CAST: variants seen among roughly 807,000 people sequenced by gnomAD.
CAST encodes the protein calpastatin.
Under a neutral mutation model 119.6 loss-of-function variants are expected in CAST, and 76 were observed. The observed-to-expected ratio is 0.64, with a 90% CI of 0.53 to 0.77. The LOEUF is 0.77. Ranked by LOEUF, CAST falls within the 30% of genes least tolerant of loss-of-function variation. The probability of loss-of-function intolerance (pLI) is 0.00; values close to 1 mark genes in which losing one functional copy is unlikely to be tolerated. For missense variants in CAST, 953 were observed against 946.5 expected (o/e 1.01, Z -0.09); for synonymous variants, 319 against 331.6 (o/e 0.96, Z 0.41).
chr5:96,344,494 T>C, the CAST span, among the ~76,000 whole-genome samples: 265 of 152,320 alleles, frequency 1.7e-3, no homozygotes, highest in African/African-American at 6.2e-3. Context: ...AAGCAAGCAG[T>C]GGCTCATGTG....
chr5:96,619,017 A>T (rs1490690193), intron 1 of CAST, among the ~76,000 whole-genome samples: 2 of 152,166 alleles, frequency 1.3e-5, no homozygotes. Flanking sequence ...GGGTTCATGG[A>T]TGCATCAGTC....
At chr5:96,573,733 G>C (rs538869121) in intron 1 of CAST, among the ~76,000 whole-genome samples, 1 of 152,118 alleles carries the variant, frequency 6.6e-6, no homozygotes, top group Non-Finnish European at 1.5e-5. Context: ...ACAAGATAGA[G>C]AATATTTACA....
At chr5:96,229,781 T>G in the CAST span, among the ~76,000 whole-genome samples, 1 of 152,178 alleles carries the variant, frequency 6.6e-6, no homozygotes, top group Non-Finnish European at 1.5e-5. Context: ...ATAAGAAATG[T>G]GAAGAGGAAA....
At chr5:96,388,739 C>A in the CAST span, among the ~76,000 whole-genome samples, 1 of 152,116 alleles carries the variant, frequency 6.6e-6, no homozygotes, top group South Asian at 2.1e-4. Context: ...CCTTTGTACA[C>A]GTGCATGTAT....
At chr5:96,309,970 G>T in the CAST span, among the ~76,000 whole-genome samples, 1 of 152,346 alleles carries the variant, frequency 6.6e-6, no homozygotes, top group South Asian at 2.1e-4. Flanking sequence ...ACTGTTGAAT[G>T]TAAGTGGTGA....
At chr5:96,582,934 G>A (rs1746794145) in intron 1 of CAST, among the ~76,000 whole-genome samples, 1 of 152,106 alleles carries the variant, frequency 6.6e-6, no homozygotes, top group African/African-American at 2.4e-5. Context: ...TGTGATTCAT[G>A]ATTTCATGAT....
chr5:96,316,402 T>C, the CAST span, among the ~76,000 whole-genome samples: 1 of 152,154 alleles, frequency 6.6e-6, no homozygotes, highest in Admixed American at 6.5e-5. Context: ...CAGGAGATGT[T>C]CTGTAGCCCA....
the CAST span, among the ~76,000 whole-genome samples, chr5:96,194,361 C>T: frequency 1.3e-5 from 2 of 152,188 alleles, no homozygotes; most frequent in Non-Finnish European, 2.9e-5. Context: ...TGGGAATCTG[C>T]ATGTTCTTAA....
intron 2 of CAST, among the ~76,000 whole-genome samples, chr5:96,692,595 CCT>C (rs1392362154): frequency 1.3e-5 from 2 of 152,166 alleles, no homozygotes; most frequent in Non-Finnish European, 2.9e-5. Flanking sequence ...CACGTGCTGC[CCT>C]GTCTACCTAG....
At chr5:96,070,877 C>T in the CAST span, among the ~76,000 whole-genome samples, 1 of 152,154 alleles carries the variant, frequency 6.6e-6, no homozygotes, top group Non-Finnish European at 1.5e-5. Context: ...AGGAGGAATG[C>T]TCGCCCAAGG....
chr5:96,542,894 G>A lies in CAST; in HGVS notation c.60+13014G>A, dbSNP rs560648910. Among the ~76,000 whole-genome samples the A allele has an allele frequency of 2.6e-5, 4 of 152,314 alleles. No individual in the cohort carries two copies. The South Asian group carries it at 8.3e-4, about 32-fold the overall frequency. ...ATTAAAAAGTCAGGAAACAGATGCT[G>A]GAGAGGATGTGGAGAAATAGGAACA... On this transcript the variant is annotated intron_variant, in intron 1 of 11. Transcript: ENST00000505143.
At chr5:96,260,760 A>G in the CAST span, among the ~76,000 whole-genome samples, 1 of 152,148 alleles carries the variant, frequency 6.6e-6, no homozygotes, top group Non-Finnish European at 1.5e-5. Context: ...GGCAACTTCA[A>G]AGTCTGAGAT....
At chr5:96,224,231 G>A in the CAST span, among the ~76,000 whole-genome samples, 42 of 152,282 alleles carry the variant, frequency 2.8e-4, no homozygotes, top group African/African-American at 8.9e-4. Context: ...AAGTTATGTG[G>A]GGTGAAGAGT....
intron 3 of CAST, among the ~76,000 whole-genome samples, chr5:96,702,350 T>A (rs2150319025): frequency 6.6e-6 from 1 of 152,338 alleles, no homozygotes; most frequent in Admixed American, 6.5e-5. Flanking sequence ...CTATTCTAAT[T>A]TTGAAGTTTG....
intron 1 of CAST, among the ~76,000 whole-genome samples, chr5:96,622,899 T>A (rs1480287392): frequency 6.9e-5 from 9 of 130,532 alleles, no homozygotes; most frequent in South Asian, 2.8e-4. Context: ...AGTCTCGCTC[T>A]GTCGCCCAGG....
chr5:96,205,245 A>G, the CAST span, among the ~76,000 whole-genome samples: 1 of 151,926 alleles, frequency 6.6e-6, no homozygotes, highest in African/African-American at 2.4e-5. Context: ...AAACATTTTC[A>G]TTTTGATGAA....
the CAST span, among the ~76,000 whole-genome samples, chr5:95,984,961 C>G: frequency 7.1e-6 from 1 of 140,850 alleles, no homozygotes; most frequent in Non-Finnish European, 1.5e-5. Flanking sequence ...TTTGAATATA[C>G]TGAGATAAAG....
chr5:95,967,785 A>G, the CAST span, among the ~76,000 whole-genome samples: 2 of 152,178 alleles, frequency 1.3e-5, no homozygotes, highest in African/African-American at 4.8e-5. Context: ...TTTATAAATT[A>G]CCCAGTCTTG....
At chr5:95,968,853 A>G in the CAST span, among the ~76,000 whole-genome samples, 1 of 152,172 alleles carries the variant, frequency 6.6e-6, no homozygotes, top group Non-Finnish European at 1.5e-5. Context: ...TATTTACAGA[A>G]TTAGAAACAA....
Sources: allele counts gnomAD v4.1 joint callset (sites outside exome capture counted in the v4.1 genomes callset), GRCh38; gene constraint gnomAD v4.1.1; transcripts MANE v1.5; gene names NCBI Gene and HGNC (gene_info 2026-07-23, HGNC 2026-07-21).